Variants in IMMP2L observed in about 807,000 individuals in gnomAD.
The protein encoded by IMMP2L is mitochondrial inner membrane protease subunit 2.
In IMMP2L, 18 loss-of-function variants were observed where a neutral mutation model predicts 19.3. That is an observed-to-expected ratio of 0.93 (90% CI 0.64 to 1.38). The LOEUF (loss-of-function observed/expected upper bound fraction) is 1.38, where lower values mean the gene tolerates loss of function less well. IMMP2L is among the 40% of genes most tolerant of loss of function. IMMP2L has a pLI of 0.00. For synonymous variants in IMMP2L, 76 were observed against 73.0 expected, an observed-to-expected ratio of 1.04 and a Z score of -0.21; for missense variants, 233 against 218.2, an observed-to-expected ratio of 1.07 and a Z score of -0.43.
chr7:110,725,223 C>G (rs563759153), intron 5 of IMMP2L, among the ~76,000 whole-genome samples: 3 of 152,108 alleles, frequency 2.0e-5, no homozygotes, highest in African/African-American at 4.8e-5. Flanking sequence ...AAACCAGAAA[C>G]GACAATTTGT....
intron 3 of IMMP2L, among the ~76,000 whole-genome samples, chr7:111,355,406 T>C (rs1274600995): frequency 1.3e-5 from 2 of 151,808 alleles, no homozygotes; most frequent in African/African-American, 4.8e-5. Flanking sequence ...ATAAAAAGTG[T>C]TATTACTCTT....
chr7:110,861,738 G>A (rs187618886), intron 5 of IMMP2L, among the ~76,000 whole-genome samples: 216 of 151,868 alleles, frequency 1.4e-3, no homozygotes, highest in Middle Eastern at 6.8e-3. Flanking sequence ...ATGACCATAG[G>A]CCAGAAAGAA....
At chr7:111,387,071 AAG>A in intron 3 of IMMP2L, among the ~76,000 whole-genome samples, 1 of 152,192 alleles carries the variant, frequency 6.6e-6, no homozygotes, top group Non-Finnish European at 1.5e-5. Context: ...GTCCTGTAAA[AAG>A]AAAAGAAAAT....
intron 3 of IMMP2L, among the ~76,000 whole-genome samples, chr7:111,474,965 C>A (rs1054580315): frequency 6.6e-6 from 1 of 152,050 alleles, no homozygotes; most frequent in Non-Finnish European, 1.5e-5. Flanking sequence ...TATACGGTAA[C>A]TTTCTAGCAA....
intron 3 of IMMP2L, among the ~76,000 whole-genome samples, chr7:111,357,508 T>C (rs1488799809): frequency 6.6e-6 from 1 of 152,078 alleles, no homozygotes; most frequent in Non-Finnish European, 1.5e-5. Context: ...CCCCTAACCA[T>C]GTTTAATTGC....
At chr7:110,950,263 A>C (rs1178305748) in intron 4 of IMMP2L, among the ~76,000 whole-genome samples, 1 of 152,054 alleles carries the variant, frequency 6.6e-6, no homozygotes, top group Non-Finnish European at 1.5e-5. Context: ...TCAAAGATCA[A>C]TTGACTGTAT....
intron 3 of IMMP2L, among the ~76,000 whole-genome samples, chr7:110,989,627 AAAAT>A (rs1403872672): frequency 6.6e-6 from 1 of 150,992 alleles, no homozygotes; most frequent in East Asian, 1.9e-4. Flanking sequence ...CTCGTTTTTG[AAAAT>A]AAATATTTAT....
intron 3 of IMMP2L, among the ~76,000 whole-genome samples, chr7:111,067,050 C>T (rs1401141743): frequency 6.6e-6 from 1 of 152,204 alleles, no homozygotes; most frequent in African/African-American, 2.4e-5. Context: ...CCTGATTCCA[C>T]AGGGAAAGAC....
chr7:110,835,364 G>A (rs755578397), intron 5 of IMMP2L, among the ~76,000 whole-genome samples: 2 of 151,948 alleles, frequency 1.3e-5, no homozygotes, highest in Admixed American at 6.6e-5. Flanking sequence ...CCTAATATGC[G>A]GTATGGCAGT....
chr7:111,464,036 T>A (rs1376102932), intron 3 of IMMP2L, among the ~76,000 whole-genome samples: 1 of 152,146 alleles, frequency 6.6e-6, no homozygotes, highest in African/African-American at 2.4e-5. Context: ...TATCTTAATC[T>A]AGAAGGATAT....
At chr7:110,966,016 A>C (rs1206951378) in intron 3 of IMMP2L, among the ~76,000 whole-genome samples, 1 of 152,016 alleles carries the variant, frequency 6.6e-6, no homozygotes, top group Admixed American at 6.6e-5. Context: ...TGTCTATTTT[A>C]AAAAAGAAAA....
chr7:110,880,874 CTGCTGACATTCTTCTATCTAAAAAT>C (rs1809569464), intron 5 of IMMP2L, among the ~76,000 whole-genome samples: 1 of 152,090 alleles, frequency 6.6e-6, no homozygotes, highest in Non-Finnish European at 1.5e-5. Context: ...AATGACAATT[CTGCTGACATTCTTCTATCTAAAAAT>C]GAAATCATGT....
chr7:111,113,375 T>A (rs1210274206), intron 3 of IMMP2L, among the ~76,000 whole-genome samples: 1 of 152,134 alleles, frequency 6.6e-6, no homozygotes, highest in Non-Finnish European at 1.5e-5. Flanking sequence ...TGGCAATCAA[T>A]ATAGAATAGT....
chr7:111,174,557 T>C (rs981008150), intron 3 of IMMP2L, among the ~76,000 whole-genome samples: 23 of 151,772 alleles, frequency 1.5e-4, no homozygotes, highest in African/African-American at 5.1e-4. Context: ...CTAAATCTTC[T>C]GGCCCTTGTT....
At chr7:110,753,508 C>G (rs1053447448) in intron 5 of IMMP2L, among the ~76,000 whole-genome samples, 1 of 152,020 alleles carries the variant, frequency 6.6e-6, no homozygotes, top group African/African-American at 2.4e-5. Flanking sequence ...AAGAAGCTCA[C>G]ATTTCAATGA....
At chr7:111,046,765 TA>T (rs1792438308) in intron 3 of IMMP2L, among the ~76,000 whole-genome samples, 1 of 152,164 alleles carries the variant, frequency 6.6e-6, no homozygotes, top group Admixed American at 6.5e-5. Context: ...GATGAAATGA[TA>T]ACAATAATTT....
intron 5 of IMMP2L, among the ~76,000 whole-genome samples, chr7:110,849,594 TTAAAA>T (rs2131515252): frequency 6.6e-6 from 1 of 152,104 alleles, no homozygotes; most frequent in African/African-American, 2.4e-5. Flanking sequence ...AAAATGTAAA[TTAAAA>T]TAATGATGTT....
chr7:111,048,254 A>AAAAAG (rs1554501301), intron 3 of IMMP2L, among the ~76,000 whole-genome samples: 17 of 120,650 alleles, frequency 1.4e-4, no homozygotes, highest in Admixed American at 2.9e-4. Context: ...AAAAAAAAAA[A>AAAAAG]AAAAAAAAAA....
chr7:111,489,036 CT>C (rs35930780), intron 2 of IMMP2L, among the ~76,000 whole-genome samples: 181 of 87,178 alleles, frequency 2.1e-3, no homozygotes, highest in East Asian at 3.3e-3. Flanking sequence ...CCTCAATCCA[CT>C]TTTTTTTTTT....
Sources: gnomAD v4.1 joint callset for allele counts (sites outside exome capture counted in the v4.1 genomes callset) on GRCh38, gnomAD v4.1.1 for gene constraint, MANE v1.5 for transcripts, NCBI Gene and HGNC (gene_info 2026-07-23, HGNC 2026-07-21) for gene names.